NLGN1: variants seen among roughly 807,000 people sequenced by gnomAD.
NLGN1 encodes neuroligin-1.
In NLGN1, 12 loss-of-function variants were observed where a neutral mutation model predicts 65.5. The ratio of observed to expected loss-of-function variants is 0.18; its 90% CI spans 0.12 to 0.30. The LOEUF is 0.30. NLGN1 is among the 10% of genes least tolerant of loss of function. The pLI is 1.00. For synonymous variants in NLGN1, 350 were observed against 359.5 expected, an observed-to-expected ratio of 0.97 and a Z score of 0.30; for missense variants, 750 against 1,007.1, an observed-to-expected ratio of 0.74 and a Z score of 3.46.
intron 4 of NLGN1, among the ~76,000 whole-genome samples, chr3:174,171,317 CTTCT>C (rs137898223): frequency 0.15 from 23,341 of 151,940 alleles, 3,502 homozygotes; most frequent in African/African-American, 0.4. Flanking sequence ...CTACATTTCT[CTTCT>C]TTATTAAAAG....
At chr3:173,476,543 AG>A (rs1726247485) in intron 2 of NLGN1, among the ~76,000 whole-genome samples, 1 of 152,188 alleles carries the variant, frequency 6.6e-6, no homozygotes, top group South Asian at 2.1e-4. Context: ...GAGTCATAGA[AG>A]AATATAGAGC....
rs147405130 is a variant in NLGN1, at chr3:173,736,594, C to T, written c.494-71086C>T. Reference sequence around the variant, plus strand: ...CTTTGTGACTTCTGATGAAGTCCTCCATCTTTTTAGAAGGGAGGCTTGGAG... The same window carrying T: ...CTTTGTGACTTCTGATGAAGTCCTCTATCTTTTTAGAAGGGAGGCTTGGAG... On this transcript the variant is annotated intron_variant, in intron 3 of 6. Transcript: ENST00000457714. Among the ~76,000 whole-genome samples the T allele has an allele frequency of 5.4e-3, 818 of 151,836 alleles. 2 individuals are homozygous for T. Among genetic ancestry groups the T allele is most frequent in the Non-Finnish European group, 9.7e-3 (656 of 67,920 alleles).
intron 4 of NLGN1, among the ~76,000 whole-genome samples, chr3:174,117,344 C>T (rs1384813671): frequency 6.6e-6 from 1 of 151,818 alleles, no homozygotes; most frequent in African/African-American, 2.4e-5. Flanking sequence ...AGGCCGGGCG[C>T]GGTAGCTCAC....
intron 2 of NLGN1, among the ~76,000 whole-genome samples, chr3:173,547,054 T>G (rs758641360): frequency 6.6e-6 from 1 of 152,202 alleles, no homozygotes; most frequent in Non-Finnish European, 1.5e-5. Context: ...ATAAGTAAGA[T>G]GTTCATTTTG....
chr3:173,796,316 T>G (rs1443597451), intron 3 of NLGN1, among the ~76,000 whole-genome samples: 2 of 152,136 alleles, frequency 1.3e-5, no homozygotes, highest in African/African-American at 4.8e-5. Flanking sequence ...GCTGATATTT[T>G]TACTCCCTTT....
At chr3:173,678,033 G>A (rs550799898) in intron 3 of NLGN1, among the ~76,000 whole-genome samples, 166 of 152,176 alleles carry the variant, frequency 1.1e-3, no homozygotes, top group African/African-American at 3.9e-3. Context: ...CATTGTGTAT[G>A]TGCAGTTTCC....
chr3:174,209,106 T>C (rs1380981302), intron 4 of NLGN1, among the ~76,000 whole-genome samples: 6 of 152,026 alleles, frequency 3.9e-5, no homozygotes, highest in Non-Finnish European at 7.4e-5. Flanking sequence ...ATTTTTTTAA[T>C]AGAAACAGAG....
chr3:173,721,941 G>A (rs570158292), intron 3 of NLGN1, among the ~76,000 whole-genome samples: 17 of 12,456 alleles, frequency 1.4e-3, no homozygotes, highest in East Asian at 0.011. Context: ...ATATCTGCTC[G>A]TAAAAAAAAA....
intron 2 of NLGN1, among the ~76,000 whole-genome samples, chr3:173,562,010 G>C (rs1316117257): frequency 6.6e-6 from 1 of 152,128 alleles, no homozygotes; most frequent in Non-Finnish European, 1.5e-5. Context: ...CACAGTTAAG[G>C]TTTTTGTTTT....
intron 2 of NLGN1, among the ~76,000 whole-genome samples, chr3:173,472,167 T>C (rs571192235): frequency 6.6e-6 from 1 of 152,272 alleles, no homozygotes; most frequent in Non-Finnish European, 1.5e-5. Context: ...AGAAATAGGA[T>C]GCTGATTACA....
intron 4 of NLGN1, among the ~76,000 whole-genome samples, chr3:174,272,687 A>AT (rs1216151481): frequency 6.7e-6 from 1 of 149,156 alleles, no homozygotes; most frequent in African/African-American, 2.5e-5. Flanking sequence ...AGATAGATAG[A>AT]TAGATAGATA....
intron 3 of NLGN1, chr3:173,685,880 T>C: frequency 1.2e-6 from 1 of 815,240 alleles, no homozygotes; most frequent in Non-Finnish European, 1.5e-6. Flanking sequence ...TAAAATAAAA[T>C]TAATACTTCT....
In NLGN1 at chr3:173,698,031, A is replaced by C. The variant is rs1211353384; in HGVS notation, c.493+92940A>C. On this transcript the variant is annotated intron_variant, in intron 3 of 6. Transcript: ENST00000457714. ...AACGCATAAGGACAAAGCTTAAAAA[A>C]TGAAAAAAAAAAAAAACAAACTTAT... is the stretch of plus-strand genomic sequence containing the variant. 1.2e-4 allele frequency among the ~76,000 whole-genome samples: 3 copies of C among 24,730 alleles called. No individual in the cohort carries two copies. The South Asian group carries it at 9.1e-3, about 75-fold the overall frequency. 16.2% of individuals were successfully genotyped at this position (24,730 alleles called of 152,430 possible).
intron 4 of NLGN1, among the ~76,000 whole-genome samples, chr3:174,222,691 T>C (rs974626938): frequency 6.6e-6 from 1 of 152,134 alleles, no homozygotes; most frequent in African/African-American, 2.4e-5. Context: ...CAAGCAAAGT[T>C]TTCTTTTCTC....
chr3:174,142,819 G>T (rs1189980736), intron 4 of NLGN1, among the ~76,000 whole-genome samples: 1 of 152,148 alleles, frequency 6.6e-6, no homozygotes, highest in Non-Finnish European at 1.5e-5. Flanking sequence ...TTCTTGCACT[G>T]CTATAAAGAA....
At chr3:173,579,898 C>G (rs762867452) in intron 2 of NLGN1, among the ~76,000 whole-genome samples, 1 of 151,796 alleles carries the variant, frequency 6.6e-6, no homozygotes, top group Non-Finnish European at 1.5e-5. Flanking sequence ...CTTTACAATT[C>G]TGTTTTATTT....
At chr3:174,134,621 G>A (rs950014286) in intron 4 of NLGN1, among the ~76,000 whole-genome samples, 4 of 152,082 alleles carry the variant, frequency 2.6e-5, no homozygotes, top group African/African-American at 9.7e-5. Context: ...GTGAAGTAGT[G>A]AGAGAAACTT....
intron 3 of NLGN1, among the ~76,000 whole-genome samples, chr3:173,671,669 G>T (rs963950470): frequency 2.6e-5 from 4 of 152,100 alleles, no homozygotes; most frequent in African/African-American, 4.8e-5. Flanking sequence ...CACCCATTAT[G>T]CAAACAAGCT....
chr3:174,190,445 T>G (rs1031382099), intron 4 of NLGN1, among the ~76,000 whole-genome samples: 1 of 151,986 alleles, frequency 6.6e-6, no homozygotes, highest in Non-Finnish European at 1.5e-5. Context: ...TGCTTAAAAT[T>G]AAAAATAAAA....
Sources: gnomAD v4.1 joint callset for allele counts (sites outside exome capture counted in the v4.1 genomes callset) on GRCh38, gnomAD v4.1.1 for gene constraint, MANE v1.5 for transcripts, NCBI Gene and HGNC (gene_info 2026-07-23, HGNC 2026-07-21) for gene names.